The following HDAC4 variants were observed in gnomAD, a reference collection of about 807,000 sequenced individuals.
HDAC4 encodes the protein histone deacetylase A.
Under a neutral mutation model 135.1 loss-of-function variants are expected in HDAC4, and 16 were observed. The ratio of observed to expected loss-of-function variants is 0.12; its 90% CI spans 0.08 to 0.18. The LOEUF (loss-of-function observed/expected upper bound fraction) is 0.18. Ranked by LOEUF, HDAC4 falls within the 10% of genes least tolerant of loss-of-function variation. The probability of loss-of-function intolerance (pLI) is 1.00; values close to 1 mark genes in which losing one functional copy is unlikely to be tolerated. For synonymous variants in HDAC4, 685 were observed against 653.4 expected (o/e 1.05, Z -0.74); for missense variants, 1,143 against 1,511.8 (o/e 0.76, Z 4.05).
rs765409194 is a variant in HDAC4 at position 239,352,643 on chromosome 2, G to A, written c.22+35C>T. On this transcript the variant is annotated intron_variant, in intron 2 of 26. Coordinates refer to ENST00000543185, the MANE Select transcript of HDAC4 (RefSeq NM_001378414.1). This position sits in a 1 kb window ranked among gnomAD's most constrained non-coding sequence, Gnocchi z 4.4. ...TTCTACTTTGGGCAAAGAAAGCCCC[G>A]CTGTGTGCCCAGAGAAGAAATGACC... 4.2e-5 allele frequency: 65 copies of A among 1,549,534 alleles called. No homozygotes were observed. The Middle Eastern group carries it at 5.0e-4, about 12-fold the overall frequency.
chr2:239,291,028 T>C (rs998355379), intron 2 of HDAC4, among the ~76,000 whole-genome samples: 1 of 152,338 alleles, frequency 6.6e-6, no homozygotes, highest in South Asian at 2.1e-4. Flanking sequence ...GAAAGAGCCG[T>C]TCAGAAGGCA....
At chr2:239,223,338 T>G (rs961035048) in intron 3 of HDAC4, among the ~76,000 whole-genome samples, 17 of 152,314 alleles carry the variant, frequency 1.1e-4, no homozygotes, top group East Asian at 9.6e-4. Context: ...AGCCGGCCTC[T>G]TCCAGGCAGC....
intron 2 of HDAC4, among the ~76,000 whole-genome samples, chr2:239,248,223 C>T (rs1274982395): frequency 2.0e-5 from 3 of 152,014 alleles, no homozygotes; most frequent in Non-Finnish European, 4.4e-5. Flanking sequence ...CTCTGTCACC[C>T]AGGCTGAAGT....
intron 1 of HDAC4, among the ~76,000 whole-genome samples, chr2:239,379,613 G>A (rs573682774): frequency 3.9e-5 from 6 of 152,238 alleles, no homozygotes; most frequent in African/African-American, 1.2e-4. Flanking sequence ...CCTCCCTAGC[G>A]CTCCCCACAG....
rs371654428 is a variant in HDAC4, at chr2:239,212,588, C to G, written c.95-22511G>C. ...TGTGACCCCTCATCCCTTCTGCCCC[C>G]CATACAGGGACCAACCCCATTCCCC... On this transcript the variant is annotated intron_variant, in intron 3 of 26. Coordinates refer to ENST00000543185, the MANE Select transcript of HDAC4 (RefSeq NM_001378414.1). 1.2e-4 allele frequency among the ~76,000 whole-genome samples: 18 copies of G among 152,288 alleles called. No individual in the cohort carries two copies. The East Asian group carries it at 3.1e-3, about 26-fold the overall frequency.
intron 2 of HDAC4, among the ~76,000 whole-genome samples, chr2:239,338,877 C>T (rs895795057): frequency 1.3e-5 from 2 of 152,196 alleles, no homozygotes; most frequent in African/African-American, 2.4e-5. Flanking sequence ...AGGCTCCCCC[C>T]AAGGCTGAGA....
intron 3 of HDAC4, among the ~76,000 whole-genome samples, chr2:239,206,676 AAGGT>A (rs1031756417): frequency 6.6e-6 from 1 of 152,124 alleles, no homozygotes; most frequent in African/African-American, 2.4e-5. Context: ...AAAAAAAAAA[AAGGT>A]AGGAAGAAGA....
chr2:239,144,846 A>G, intron 7 of HDAC4, 132 bp from the exon 8 acceptor site: 1 of 899,010 alleles, frequency 1.1e-6, no homozygotes, highest in Non-Finnish European at 1.8e-6. Flanking sequence ...GCTGCAGGGG[A>G]GAGCGCAGGG....
chr2:239,136,924 T>C (rs1329906007), intron 9 of HDAC4, among the ~76,000 whole-genome samples: 2 of 152,086 alleles, frequency 1.3e-5, no homozygotes, highest in Non-Finnish European at 2.9e-5. Flanking sequence ...ACATATTACA[T>C]TGTGTAAGGA....
intron 2 of HDAC4, among the ~76,000 whole-genome samples, chr2:239,269,991 A>C (rs78815487): frequency 1.2e-5 from 1 of 84,320 alleles, no homozygotes; most frequent in Non-Finnish European, 2.1e-5. Flanking sequence ...CCCGCCCCCC[A>C]AAATGATGTC....
At chr2:239,142,569 G>A (rs578241731) in intron 8 of HDAC4, among the ~76,000 whole-genome samples, 46 of 152,236 alleles carry the variant, frequency 3.0e-4, no homozygotes, top group Non-Finnish European at 4.1e-4. Flanking sequence ...TAGGTGCCTC[G>A]GCACGGGCTC....
At chr2:239,277,912 C>T (rs2050469316) in intron 2 of HDAC4, among the ~76,000 whole-genome samples, 1 of 152,126 alleles carries the variant, frequency 6.6e-6, no homozygotes, top group Non-Finnish European at 1.5e-5. Context: ...CAGTCACACA[C>T]CCCAGCCACA....
chr2:239,168,220 C>T (rs112097429), intron 5 of HDAC4, among the ~76,000 whole-genome samples: 11 of 152,344 alleles, frequency 7.2e-5, no homozygotes, highest in Middle Eastern at 3.4e-3. Flanking sequence ...CAGTGACCTC[C>T]CTCCATTCCC....
intron 17 of HDAC4, 55 bp downstream of exon 17, chr2:239,094,955 C>G (rs868340233): frequency 6.2e-7 from 1 of 1,612,964 alleles, no homozygotes; most frequent in Non-Finnish European, 8.5e-7. Flanking sequence ...ATTTCTGTGA[C>G]CACTGGGACT....
At chr2:239,364,342 A>G (rs981954334) in intron 1 of HDAC4, among the ~76,000 whole-genome samples, 4 of 152,270 alleles carry the variant, frequency 2.6e-5, no homozygotes, top group African/African-American at 9.6e-5. Context: ...AACACCATAC[A>G]GCAGTAAAAA....
intron 24 of HDAC4, among the ~76,000 whole-genome samples, chr2:239,058,045 T>G (rs1034388772): frequency 6.6e-6 from 1 of 152,226 alleles, no homozygotes; most frequent in Non-Finnish European, 1.5e-5. Flanking sequence ...TGGTTAAATT[T>G]CAGTGTCTGA....
At chr2:239,103,130 T>G (rs964497579) in intron 15 of HDAC4, among the ~76,000 whole-genome samples, 10 of 152,368 alleles carry the variant, frequency 6.6e-5, no homozygotes, top group African/African-American at 2.4e-4. Context: ...GAAAAAACAC[T>G]TTAAAAGATA....
At position 239,400,746 on chromosome 2, in the gene HDAC4, C is replaced by T. The variant is rs1696927473; in HGVS notation, c.-220+232G>A. On this transcript the variant is annotated intron_variant, in intron 1 of 26. Transcript: ENST00000543185. The surrounding 1 kb of genome is among the most constrained non-coding windows in gnomAD (Gnocchi z 4.7). ...CCTGCTCCGGCGCTCCGCGCCGCAT[C>T]TCCTCAGCCTGCGCCGCCACCCGCC... 2 of 145,996 alleles carry T rather than the reference C, an allele frequency of 1.4e-5. No homozygotes were observed. Among genetic ancestry groups the T allele is most frequent in the Admixed American group, 1.4e-4 (2 of 14,704 alleles). The allele number at this position is 145,996 out of a possible 1,614,324, so 9.0% of individuals were successfully genotyped here. A position where few individuals can be genotyped will look rare whatever the true frequency, so the allele number is the denominator to read the frequency against.
chr2:239,349,278 A>T lies in HDAC4; in HGVS notation c.22+3400T>A, dbSNP rs1692949964. On this transcript the variant is annotated intron_variant, in intron 2 of 26. Transcript: ENST00000543185. The surrounding 1 kb of genome is among the most constrained non-coding windows in gnomAD (Gnocchi z 5.7). The stretch of plus-strand genomic sequence containing the variant: ...GGAGGTGCAGCCAGGTAGGCCCCGA[A>T]CACCACGTTGCCAGGACTCGGCTCC... Among the ~76,000 whole-genome samples, 1 of 152,198 alleles carries T rather than the reference A, an allele frequency of 6.6e-6. No homozygotes were observed. Among genetic ancestry groups the T allele is most frequent in the Non-Finnish European group, 1.5e-5 (1 of 68,038 alleles).
Sources: allele counts gnomAD v4.1 joint callset (sites outside exome capture counted in the v4.1 genomes callset), GRCh38; gene constraint gnomAD v4.1.1; non-coding constraint Gnocchi (gnomAD v3.1); transcripts MANE v1.5; gene names NCBI Gene and HGNC (gene_info 2026-07-23, HGNC 2026-07-21).